Variants in THSD7A observed in about 807,000 individuals in gnomAD.
THSD7A encodes the protein thrombospondin type-1 domain-containing protein 7A.
THSD7A carries 96 observed loss-of-function variants against 231.3 expected under a neutral mutation model. That is an observed-to-expected ratio of 0.41 (90% CI 0.35 to 0.49). The LOEUF (loss-of-function observed/expected upper bound fraction) is 0.49. THSD7A is among the 20% of genes least tolerant of loss of function. The pLI is 0.05. For synonymous variants in THSD7A, 940 were observed against 743.3 expected (o/e 1.26, Z -4.30); for missense variants, 2,290 against 2,070.2 (o/e 1.11, Z -2.06).
intron 13 of THSD7A, among the ~76,000 whole-genome samples, chr7:11,431,500 C>T (rs964271793): frequency 6.6e-6 from 1 of 152,098 alleles, no homozygotes; most frequent in African/African-American, 2.4e-5. Flanking sequence ...AATCAGTTGA[C>T]CACAGTGTAA....
At chr7:11,521,028 C>T (rs1788239638) in intron 6 of THSD7A, among the ~76,000 whole-genome samples, 1 of 152,114 alleles carries the variant, frequency 6.6e-6, no homozygotes, top group Non-Finnish European at 1.5e-5. Flanking sequence ...TATTGCTCTT[C>T]AAAATGTAAT....
At chr7:11,443,430 C>T (rs1784865867) in intron 13 of THSD7A, among the ~76,000 whole-genome samples, 1 of 151,934 alleles carries the variant, frequency 6.6e-6, no homozygotes, top group African/African-American at 2.4e-5. Context: ...TTCAATTACT[C>T]TTTGAGATGT....
At chr7:11,407,809 T>A (rs1783638007) in intron 19 of THSD7A, among the ~76,000 whole-genome samples, 1 of 152,184 alleles carries the variant, frequency 6.6e-6, no homozygotes, top group Non-Finnish European at 1.5e-5. Flanking sequence ...TACAACTGTA[T>A]CTTAGGGATA....
rs868381635 is a variant in THSD7A at position 11,687,876 on chromosome 7, T to A, written c.191-50915A>T. Among the ~76,000 whole-genome samples, 6 of 151,674 alleles carry A rather than the reference T, an allele frequency of 4.0e-5. No homozygotes were observed. The South Asian group carries it at 6.2e-4, about 16-fold the overall frequency. ...TCATCTGGGGTGTTTCTTTTTTTTTTAATTTAATTTTATTTTTTTAAGGCG... is the reference window on the plus strand; with the variant it reads ...TCATCTGGGGTGTTTCTTTTTTTTTAAATTTAATTTTATTTTTTTAAGGCG... On this transcript the variant is annotated intron_variant, in intron 1 of 27. Transcript: ENST00000423059.
intron 1 of THSD7A, among the ~76,000 whole-genome samples, chr7:11,668,564 A>G (rs1001909086): frequency 6.6e-6 from 1 of 152,124 alleles, no homozygotes; most frequent in African/African-American, 2.4e-5. Context: ...GGGAAGCAGT[A>G]TGTTTTTTTA....
rs114756871 is a variant in THSD7A, at chr7:11,759,035, G to T, written c.190+72722C>A. ...CCTTCTGGTAAGGATCCAGGGACCTGGAGAAAGTAAACACAAATTATCTCT... is the reference window on the plus strand; with the variant it reads ...CCTTCTGGTAAGGATCCAGGGACCTTGAGAAAGTAAACACAAATTATCTCT... On this transcript the variant is annotated intron_variant, in intron 1 of 27. Coordinates refer to ENST00000423059, the MANE Select transcript of THSD7A (RefSeq NM_015204.3). 9.9e-3 allele frequency among the ~76,000 whole-genome samples: 1,508 copies of T among 152,004 alleles called. 19 individuals are homozygous for T. Among genetic ancestry groups the T allele is most frequent in the African/African-American group, 0.034 (1,404 of 41,484 alleles).
chr7:11,548,689 C>A (rs963524673), intron 4 of THSD7A, among the ~76,000 whole-genome samples: 2 of 151,958 alleles, frequency 1.3e-5, no homozygotes, highest in Non-Finnish European at 2.9e-5. Flanking sequence ...ATTCCTGGGA[C>A]AAAAGGTTGG....
chr7:11,547,090 T>A (rs548332662), intron 4 of THSD7A, among the ~76,000 whole-genome samples: 1 of 152,126 alleles, frequency 6.6e-6, no homozygotes, highest in Non-Finnish European at 1.5e-5. Flanking sequence ...CTCACTGGCA[T>A]CTCTGAAAGG....
chr7:11,414,670 T>C (rs1783899993), intron 17 of THSD7A, among the ~76,000 whole-genome samples: 1 of 152,202 alleles, frequency 6.6e-6, no homozygotes, highest in Non-Finnish European at 1.5e-5. Context: ...TGGTACAGTC[T>C]TCTGAAAACA....
At chr7:11,756,460 T>G (rs986752781) in intron 1 of THSD7A, among the ~76,000 whole-genome samples, 2 of 152,014 alleles carry the variant, frequency 1.3e-5, no homozygotes, top group African/African-American at 4.8e-5. Context: ...GGAGAGAAAT[T>G]CTCTGAGAAG....
intron 1 of THSD7A, among the ~76,000 whole-genome samples, chr7:11,685,519 A>T (rs540393500): frequency 2.2e-4 from 33 of 152,018 alleles, no homozygotes; most frequent in African/African-American, 7.9e-4. Flanking sequence ...AACTTAAACA[A>T]ATCAAGAGGA....
At chr7:11,720,875 C>G (rs1781326802) in intron 1 of THSD7A, among the ~76,000 whole-genome samples, 2 of 151,716 alleles carry the variant, frequency 1.3e-5, no homozygotes, top group South Asian at 4.1e-4. Flanking sequence ...TGCTCCTTCT[C>G]TCTGCCCTTT....
chr7:11,769,153 A>ATATATATATTTTTTT, intron 1 of THSD7A, among the ~76,000 whole-genome samples: 1 of 27,658 alleles, frequency 3.6e-5, no homozygotes, highest in African/African-American at 1.2e-4. Context: ...ATATATATAT[A>ATATATATATTTTTTT]TTTTTTTTTT....
At chr7:11,457,575 C>A (rs1364793215) in intron 11 of THSD7A, among the ~76,000 whole-genome samples, 1 of 152,080 alleles carries the variant, frequency 6.6e-6, no homozygotes, top group African/African-American at 2.4e-5. Context: ...TCTTATCTTT[C>A]TAATTTATTC....
chr7:11,465,171 C>T (rs956579406), intron 9 of THSD7A, among the ~76,000 whole-genome samples: 16 of 152,064 alleles, frequency 1.1e-4, no homozygotes, highest in African/African-American at 3.1e-4. Context: ...ATTTGCTGAA[C>T]GCACAAACAC....
At chr7:11,699,505 C>A (rs1368506238) in intron 1 of THSD7A, among the ~76,000 whole-genome samples, 1 of 151,156 alleles carries the variant, frequency 6.6e-6, no homozygotes, top group Non-Finnish European at 1.5e-5. Flanking sequence ...GATTTTATGA[C>A]AACTAAATGC....
intron 4 of THSD7A, among the ~76,000 whole-genome samples, chr7:11,553,222 C>T (rs561974392): frequency 2.0e-5 from 3 of 152,088 alleles, no homozygotes; most frequent in South Asian, 4.1e-4. Context: ...ACAGTTGTCC[C>T]TATGTATACA....
chr7:11,695,472 C>T (rs570906293), intron 1 of THSD7A, among the ~76,000 whole-genome samples: 1 of 151,532 alleles, frequency 6.6e-6, no homozygotes, highest in South Asian at 2.1e-4. Flanking sequence ...ATATTGACTT[C>T]CATATAGTGT....
chr7:11,412,172 T>C (rs1397291094), intron 18 of THSD7A, among the ~76,000 whole-genome samples: 1 of 152,216 alleles, frequency 6.6e-6, no homozygotes, highest in Non-Finnish European at 1.5e-5. Flanking sequence ...CTGAAAATAC[T>C]CATCAATTTT....
Sources: gnomAD v4.1 joint callset for allele counts (sites outside exome capture counted in the v4.1 genomes callset) on GRCh38, gnomAD v4.1.1 for gene constraint, MANE v1.5 for transcripts, NCBI Gene and HGNC (gene_info 2026-07-23, HGNC 2026-07-21) for gene names.